The following KRT9 variants were observed in gnomAD, a reference collection of about 807,000 sequenced individuals.
KRT9 encodes the protein keratin, type I cytoskeletal 9.
Under a neutral mutation model 51.4 loss-of-function variants are expected in KRT9, and 34 were observed. That is an observed-to-expected ratio of 0.66 (90% confidence interval 0.50 to 0.88). The LOEUF (loss-of-function observed/expected upper bound fraction) is 0.88. KRT9 is among the 40% of genes least tolerant of loss of function. The pLI, the probability that KRT9 is intolerant of heterozygous loss-of-function variation, is 0.00. For missense variants in KRT9, 753 were observed against 790.3 expected, an observed-to-expected ratio of 0.95 and a Z score of 0.57; for synonymous variants, 292 against 289.7, an observed-to-expected ratio of 1.01 and a Z score of -0.08.
chr17:41,569,081 T>TA (rs1486317758), intron 4 of KRT9, among the ~76,000 whole-genome samples: 1 of 152,212 alleles, frequency 6.6e-6, no homozygotes, highest in African/African-American at 2.4e-5. Flanking sequence ...GCTATAGTCT[T>TA]ACATTACATA....
intron 1 of KRT9, 62 bp from the exon 2 acceptor site, chr17:41,570,282 G>C (rs1452069183): frequency 2.2e-6 from 3 of 1,345,024 alleles, no homozygotes. Flanking sequence ...AGGGCAAGAG[G>C]CCAGGCAAAG....
rs926708993 is a variant in KRT9, at chr17:41,572,036, G to T, written c.-44C>A. The T allele has an allele frequency of 6.5e-7, 1 of 1,544,590 alleles. No individual in the cohort carries two copies. Among genetic ancestry groups the T allele is most frequent in the Non-Finnish European group, 8.7e-7 (1 of 1,150,554 alleles). On this transcript the variant is annotated 5_prime_UTR_variant, in exon 1 of 8. Coordinates refer to ENST00000246662, the MANE Select transcript of KRT9 (RefSeq NM_000226.4). ...CGGGTTGAGAAGCAGTGATAGGAGT[G>T]CTACCGGCTCCCAAGTGCAGGGTAC...
chr17:41,569,227 A>G (rs1597793591), intron 4 of KRT9, among the ~76,000 whole-genome samples, 199 bp downstream of exon 4: 2 of 152,328 alleles, frequency 1.3e-5, no homozygotes, highest in East Asian at 1.9e-4. Flanking sequence ...TACATATAAC[A>G]TGGCACTGAG....
chr17:41,570,365 C>T, intron 1 of KRT9, 145 bp from the exon 2 acceptor site: 1 of 761,502 alleles, frequency 1.3e-6, no homozygotes, highest in Non-Finnish European at 2.4e-6. Flanking sequence ...TGGGACATGG[C>T]ACAGACCCCT....
In KRT9 at chr17:41,568,197, G is replaced by A. The variant is rs200972528; in HGVS notation, c.1359C>T (p.Thr453=). 1.6e-5 allele frequency: 26 copies of A among 1,613,816 alleles called. No individual in the cohort carries two copies. The highest frequency in any genetic ancestry group is 2.0e-5 in the Non-Finnish European group (24 of 1,180,004). Residue 453 remains threonine, a synonymous_variant, in exon 6 of 8, where the codon ACC becomes ACT. Transcript: ENST00000246662. ...IKMRLEKEIE[T]YHNLLEGGQE... Reference sequence around the variant, plus strand: ...GGCCTCCCTCAAGGAGGTTGTGGTAGGTCTCGATTTCCTTCTCCAGCCGCA... The same window carrying A: ...GGCCTCCCTCAAGGAGGTTGTGGTAAGTCTCGATTTCCTTCTCCAGCCGCA...
At chr17:41,567,094 G>A in intron 7 of KRT9, 139 bp downstream of exon 7, 1 of 1,401,826 alleles carries the variant, frequency 7.1e-7, no homozygotes, top group Non-Finnish European at 9.6e-7. Flanking sequence ...CCAAGGGTAG[G>A]TCTCTGACAC....
intron 7 of KRT9, among the ~76,000 whole-genome samples, chr17:41,566,852 T>C (rs1165795046): frequency 6.6e-6 from 1 of 152,258 alleles, no homozygotes. Context: ...GTACTGGCTG[T>C]GAAGCCCCAC....
At chr17:41,567,198 G>A in intron 7 of KRT9, 35 bp downstream of exon 7, 1 of 1,609,966 alleles carries the variant, frequency 6.2e-7, no homozygotes, top group South Asian at 1.1e-5. Flanking sequence ...GTGAGACCTT[G>A]ACTCTCCACC....
chr17:41,571,317 A>G (rs1276119922), intron 1 of KRT9, 34 bp downstream of exon 1: 1 of 1,576,746 alleles, frequency 6.3e-7, no homozygotes, highest in Non-Finnish European at 8.7e-7. Context: ...TGAAAGAGAA[A>G]GAGACCAAGA....
At chr17:41,568,454 G>T (rs547456303) in intron 5 of KRT9, 54 bp downstream of exon 5, 22 of 1,614,074 alleles carry the variant, frequency 1.4e-5, no homozygotes, top group East Asian at 4.5e-5. Context: ...CTCCTGGGCT[G>T]CAAAGACTTC....
Position 41,569,477 on chromosome 17 carries a change from C to T in KRT9, c.993G>A (p.Glu331=), listed in dbSNP as rs148245603. Residue 331 remains glutamate, a synonymous_variant, in exon 4 of 8, where the codon GAG becomes GAA. Transcript: ENST00000246662. ...CCTTTCTGTTCTTAGCAATGAGCTG[C>T]TCATACTCCTGACGCATGTCATTGA... ...KTLNDMRQEY[E]QLIAKNRKDI... 120 of 1,614,052 alleles carry T rather than the reference C, an allele frequency of 7.4e-5. No individual in the cohort carries two copies. Among genetic ancestry groups the T allele is most frequent in the Non-Finnish European group, 9.2e-5 (108 of 1,180,046 alleles).
At chr17:41,569,328 G>A in intron 4 of KRT9, 98 bp downstream of exon 4, 1 of 1,171,044 alleles carries the variant, frequency 8.5e-7, no homozygotes, top group Admixed American at 2.0e-5. Context: ...TGCACTGAGA[G>A]ATGCAGAGAT....
Position 41,568,034 on chromosome 17 carries a change from G to A in KRT9, c.1394+128C>T, listed in dbSNP as rs368197157. The A allele has an allele frequency of 1.3e-3, 1,268 of 979,632 alleles. 27 individuals carry two copies. In the South Asian group the frequency reaches 0.018, roughly 14 times the overall value. The allele number at this position is 979,632 out of a possible 1,614,324, so 60.7% of individuals were successfully genotyped here. On this transcript the variant is annotated intron_variant, in intron 6 of 7. Transcript: ENST00000246662. ...CTGAGGTCCCCCCGGCCCCCAGGAT[G>A]AAGAAGTCCTCAACCCATAAGACCC...
rs533230252 is a variant in KRT9 at position 41,572,034 on chromosome 17, G to T, written c.-42C>A. 51 of 1,545,826 alleles carry T rather than the reference G, an allele frequency of 3.3e-5. No individual in the cohort carries two copies. The South Asian group carries it at 5.4e-4, about 16-fold the overall frequency. On this transcript the variant is annotated 5_prime_UTR_variant, in exon 1 of 8. Transcript: ENST00000246662. ...CACGGGTTGAGAAGCAGTGATAGGA[G>T]TGCTACCGGCTCCCAAGTGCAGGGT...
At chr17:41,569,767 G>T (rs1226991131) in intron 3 of KRT9, 92 bp downstream of exon 3, 3 of 1,530,456 alleles carry the variant, frequency 2.0e-6, no homozygotes, top group Admixed American at 3.3e-5. Context: ...AAAGGAGAGG[G>T]TGTCTCCCAG....
At chr17:41,567,149 GT>G in intron 7 of KRT9, 83 bp downstream of exon 7, 1 of 1,578,174 alleles carries the variant, frequency 6.3e-7, no homozygotes, top group Non-Finnish European at 8.6e-7. Context: ...CAGAATCTGT[GT>G]TCCCCAGAGA....
At chr17:41,570,253 G>A (rs770142587) in intron 1 of KRT9, 33 bp from the exon 2 acceptor site, 4 of 1,578,390 alleles carry the variant, frequency 2.5e-6, no homozygotes, top group Admixed American at 1.7e-5. Flanking sequence ...ATGATATCAT[G>A]CTGTGGACCA....
At chr17:41,567,834 C>A (rs1906932020) in intron 6 of KRT9, 84 bp from the exon 7 acceptor site, 1 of 1,592,794 alleles carries the variant, frequency 6.3e-7, no homozygotes. Context: ...AGTCAGGACC[C>A]AAACATGAAT....
Position 41,571,389 on chromosome 17 carries a change from A to G in KRT9, c.604T>C (p.Ser202Pro). 1 of 1,614,018 alleles carries G rather than the reference A, an allele frequency of 6.2e-7. No homozygotes were observed. The highest frequency in any genetic ancestry group is 8.5e-7 in the Non-Finnish European group (1 of 1,180,000). ...KGPAAIQKNY[S>P]PYYNTIDDLK... Reference sequence around the variant, plus strand: ...TCATCAATAGTGTTATAATAAGGGGAGTAGTTCTTCTGGATAGCAGCAGGT... The same window carrying G: ...TCATCAATAGTGTTATAATAAGGGGGGTAGTTCTTCTGGATAGCAGCAGGT... The change falls in exon 1 of 8, where the codon TCC becomes CCC. Residue 202 changes from serine to proline, a missense_variant. Ser to Pro is a moderately conservative substitution (Grantham distance 74, BLOSUM62 -1). Transcript: ENST00000246662.
Sources: allele counts gnomAD v4.1 joint callset (sites outside exome capture counted in the v4.1 genomes callset), GRCh38; gene constraint gnomAD v4.1.1; transcripts MANE v1.5; gene names NCBI Gene and HGNC (gene_info 2026-07-23, HGNC 2026-07-21).